The following KDM2B variants were observed in gnomAD, a reference collection of about 807,000 sequenced individuals.
KDM2B encodes the protein lysine demethylase 2B, also known as lysine-specific demethylase 2B.
KDM2B carries 26 observed loss-of-function variants against 150.0 expected under a neutral mutation model. The observed-to-expected ratio is 0.17, with a 90% CI of 0.13 to 0.24. The LOEUF (loss-of-function observed/expected upper bound fraction) is 0.24, where lower values mean the gene tolerates loss of function less well. Among genes scored for constraint, KDM2B ranks in the 10% least tolerant of loss-of-function variants. The pLI, the probability that KDM2B is intolerant of heterozygous loss-of-function variation, is 1.00. For missense variants in KDM2B, 1,265 were observed against 1,816.9 expected (o/e 0.70, Z 5.52); for synonymous variants, 734 against 729.5 (o/e 1.01, Z -0.10).
intron 1 of KDM2B, chr12:121,580,180 A>G (rs781868185): frequency 4.2e-5 from 65 of 1,531,574 alleles, no homozygotes; most frequent in Non-Finnish European, 5.6e-5. Context: ...CAGAGCCGAG[A>G]TCTACAAAGT....
At chr12:121,514,285 T>G (rs565186152) in intron 9 of KDM2B, among the ~76,000 whole-genome samples, 167 of 152,068 alleles carry the variant, frequency 1.1e-3, no homozygotes, top group African/African-American at 3.8e-3. Context: ...CTGGCTGGGT[T>G]TTTTTGTATT....
the KDM2B span, among the ~76,000 whole-genome samples, chr12:121,412,624 C>A: frequency 6.6e-6 from 1 of 152,036 alleles, no homozygotes; most frequent in South Asian, 2.1e-4. Context: ...TGTGATCCAC[C>A]CGCCTTGGCC....
chr12:121,448,115 T>C (rs2138478756), intron 13 of KDM2B, among the ~76,000 whole-genome samples: 1 of 152,126 alleles, frequency 6.6e-6, no homozygotes, highest in East Asian at 1.9e-4. Context: ...GCCCAGGAGT[T>C]TGAGACTAGC....
intron 8 of KDM2B, among the ~76,000 whole-genome samples, chr12:121,526,798 G>A (rs1263225430): frequency 3.3e-5 from 5 of 151,836 alleles, no homozygotes; most frequent in African/African-American, 7.3e-5. Context: ...TGGGGAGGCC[G>A]AGGCGGGCCG....
rs1877438115 is a variant in KDM2B, at chr12:121,452,410, C to G, written c.1959+710G>C. On this transcript the variant is annotated intron_variant, in intron 13 of 22. Coordinates refer to ENST00000377071, the MANE Select transcript of KDM2B (RefSeq NM_032590.5). The surrounding 1 kb of genome is among the most constrained non-coding windows in gnomAD (Gnocchi z 4.4). Reference sequence around the variant, plus strand: ...GGGCTCACCCTATGCCAGGCTGGGCCTGCAGATGAGCGCACCAGGGCCGAG... The same window carrying G: ...GGGCTCACCCTATGCCAGGCTGGGCGTGCAGATGAGCGCACCAGGGCCGAG... Among the ~76,000 whole-genome samples the G allele has an allele frequency of 6.6e-6, 1 of 152,238 alleles. No homozygotes were observed. Among genetic ancestry groups the G allele is most frequent in the Admixed American group, 6.5e-5 (1 of 15,292 alleles).
rs1555311474 is a variant in KDM2B at position 121,549,837 on chromosome 12, C to G, written c.398-199G>C. Among the ~76,000 whole-genome samples the G allele has an allele frequency of 6.6e-6, 1 of 151,458 alleles. No individual in the cohort carries two copies. The highest frequency in any genetic ancestry group is 2.4e-5 in the African/African-American group (1 of 41,086). On this transcript the variant is annotated intron_variant, in intron 4 of 22. Transcript: ENST00000377071. The surrounding 1 kb of genome is among the most constrained non-coding windows in gnomAD (Gnocchi z 4.4). ...CCACCCACCTTGCTTCCCTGCACCA[C>G]CATGGCCTCCACGCCAGTCTGCGAT...
At chr12:121,485,345 A>C (rs567569493) in intron 12 of KDM2B, among the ~76,000 whole-genome samples, 10 of 152,212 alleles carry the variant, frequency 6.6e-5, no homozygotes, top group African/African-American at 2.4e-4. Flanking sequence ...TTCCAGAAAG[A>C]GGACACTAAC....
rs936749281 is a variant in KDM2B, at chr12:121,429,737, T to C, written c.*551A>G. On this transcript the variant is annotated 3_prime_UTR_variant, in exon 23 of 23. Transcript: ENST00000377071. Reference sequence around the variant, plus strand: ...TCCTACCTTAAGGAAATCAGGAAAATTGGCAATCTCAAAACAATAAAAACA... The same window carrying C: ...TCCTACCTTAAGGAAATCAGGAAAACTGGCAATCTCAAAACAATAAAAACA... 6.6e-6 allele frequency: 3 copies of C among 453,594 alleles called. No individual in the cohort carries two copies. The highest frequency in any genetic ancestry group is 4.6e-5 in the South Asian group (1 of 21,942). 28.1% of individuals were successfully genotyped at this position (453,594 alleles called of 1,614,324 possible).
At chr12:121,426,547 G>A (rs1002137854), downstream of KDM2B, among the ~76,000 whole-genome samples, 2 of 147,822 alleles carry the variant, frequency 1.4e-5, no homozygotes, top group South Asian at 4.3e-4. Flanking sequence ...CTGGGCTCAA[G>A]CAGCCCTCCC....
intron 12 of KDM2B, among the ~76,000 whole-genome samples, chr12:121,482,751 G>A (rs148330945): frequency 3.9e-5 from 6 of 152,248 alleles, no homozygotes; most frequent in Non-Finnish European, 8.8e-5. Flanking sequence ...ATTGAATACG[G>A]CCTCATCTTT....
rs1236146233 is a variant in KDM2B, at chr12:121,518,696, G to T, written c.1047+2289C>A. Among the ~76,000 whole-genome samples the T allele has an allele frequency of 6.6e-6, 1 of 152,208 alleles. No homozygotes were observed. Among genetic ancestry groups the T allele is most frequent in the African/African-American group, 2.4e-5 (1 of 41,458 alleles). On this transcript the variant is annotated intron_variant, in intron 9 of 22. Transcript: ENST00000377071. The surrounding 1 kb of genome is among the most constrained non-coding windows in gnomAD (Gnocchi z 4.4). ...TTTACAATTGAATTCCCAGGGGGACGGGGTGGTTGTCCAGCAAGTAGCCAC... is the reference window on the plus strand; with the variant it reads ...TTTACAATTGAATTCCCAGGGGGACTGGGTGGTTGTCCAGCAAGTAGCCAC...
At chr12:121,473,888 T>C (rs1881050726) in intron 12 of KDM2B, among the ~76,000 whole-genome samples, 1 of 152,196 alleles carries the variant, frequency 6.6e-6, no homozygotes, top group African/African-American at 2.4e-5. Context: ...GATGGAATTA[T>C]GATTCAGCCA....
In KDM2B at chr12:121,549,418, G is replaced by C. The variant is rs1889315151; in HGVS notation, c.576+42C>G. ...GGCAGGGGGACAGGGAAGGAGATGA[G>C]GTGGAAGGTATCTGGGGAGGGTACC... On this transcript the variant is annotated intron_variant, in intron 5 of 22. Transcript: ENST00000377071. This position sits in a 1 kb window ranked among gnomAD's most constrained non-coding sequence, Gnocchi z 4.4. 2 of 1,523,940 alleles carry C rather than the reference G, an allele frequency of 1.3e-6. No individual in the cohort carries two copies. Among genetic ancestry groups the C allele is most frequent in the Non-Finnish European group, 1.8e-6 (2 of 1,121,042 alleles). 94.4% of individuals were successfully genotyped at this position (1,523,940 alleles called of 1,614,324 possible).
At chr12:121,506,767 A>G (rs1317606517) in intron 11 of KDM2B, among the ~76,000 whole-genome samples, 1 of 152,094 alleles carries the variant, frequency 6.6e-6, no homozygotes, top group African/African-American at 2.4e-5. Context: ...AAGAAAACCC[A>G]TCTCTACTAA....
At chr12:121,439,707 C>T (rs1198750267) in intron 22 of KDM2B, 150 bp downstream of exon 22, 2 of 646,572 alleles carry the variant, frequency 3.1e-6, no homozygotes, top group Middle Eastern at 3.8e-4. Context: ...TACTGTGTTT[C>T]CCCCCTGGAC....
intron 4 of KDM2B, among the ~76,000 whole-genome samples, chr12:121,556,114 A>G (rs548579960): frequency 6.6e-6 from 1 of 151,804 alleles, no homozygotes; most frequent in Admixed American, 6.6e-5. Flanking sequence ...TTTAGTAGAG[A>G]TGGGGTTTCA....
chr12:121,506,369 T>G (rs1256194791), intron 11 of KDM2B, among the ~76,000 whole-genome samples: 4 of 152,042 alleles, frequency 2.6e-5, no homozygotes, highest in African/African-American at 9.7e-5. Flanking sequence ...ACTCTCCTGT[T>G]CTGGAAGAGG....
chr12:121,442,991 CCT>C lies in KDM2B; in HGVS notation c.2603_2604del (p.Lys868ThrfsTer110). ...PGKEDKLFRK[K>X]RRSWKNAEDR... ...GCACAGGAGGGAGGGGAAGATGGTACCTTTTTCCTGAAAAGCTTATCTTCTTT... is the reference window on the plus strand; with the variant it reads ...GCACAGGAGGGAGGGGAAGATGGTACTTTTCCTGAAAAGCTTATCTTCTTT... On this transcript the variant is annotated frameshift_variant and splice_region_variant, in exon 18 of 23. Coordinates refer to ENST00000377071, the MANE Select transcript of KDM2B (RefSeq NM_032590.5). LOFTEE classifies it high-confidence loss of function. This position sits in a 1 kb window ranked among gnomAD's most constrained non-coding sequence, Gnocchi z 7.7. The C allele has an allele frequency of 1.2e-6, 2 of 1,613,368 alleles. No individual in the cohort carries two copies. The highest frequency in any genetic ancestry group is 1.7e-6 in the Non-Finnish European group (2 of 1,179,710).
chr12:121,569,849 T>TC (rs1890966866), intron 4 of KDM2B, among the ~76,000 whole-genome samples: 1 of 149,770 alleles, frequency 6.7e-6, no homozygotes, highest in Admixed American at 6.6e-5. Context: ...TTTCTTTCTT[T>TC]TTTTTTTTGA....
Sources: gnomAD v4.1 joint callset for allele counts (sites outside exome capture counted in the v4.1 genomes callset) on GRCh38, gnomAD v4.1.1 for gene constraint, Gnocchi (gnomAD v3.1) non-coding constraint, MANE v1.5 for transcripts, NCBI Gene and HGNC (gene_info 2026-07-23, HGNC 2026-07-21) for gene names.